Variants in EBF1 observed in about 807,000 individuals in gnomAD.
EBF1 encodes the protein EBF transcription factor 1.
A neutral mutation model predicts 68.4 loss-of-function variants in EBF1; 10 were observed. The observed-to-expected ratio is 0.15, with a 90% confidence interval of 0.09 to 0.25. The LOEUF is 0.25. EBF1 is among the 10% of genes least tolerant of loss of function. The pLI, the probability that EBF1 is intolerant of heterozygous loss-of-function variation, is 1.00. For synonymous variants in EBF1, 298 were observed against 299.8 expected (o/e 0.99, Z 0.06); for missense variants, 509 against 794.4 (o/e 0.64, Z 4.32).
intron 10 of EBF1, among the ~76,000 whole-genome samples, chr5:158,768,662 A>G (rs1349342971): frequency 6.6e-6 from 1 of 152,178 alleles, no homozygotes; most frequent in Non-Finnish European, 1.5e-5. Context: ...AACTTTAACA[A>G]TGAACAGGAC....
intron 6 of EBF1, among the ~76,000 whole-genome samples, chr5:158,890,042 TC>T (rs928724242): frequency 6.6e-6 from 1 of 152,170 alleles, no homozygotes; most frequent in African/African-American, 2.4e-5. Context: ...GATTTTGTTA[TC>T]CAAGGGGGCA....
intron 10 of EBF1, among the ~76,000 whole-genome samples, chr5:158,767,201 C>T (rs1169421876): frequency 6.6e-6 from 1 of 152,114 alleles, no homozygotes; most frequent in African/African-American, 2.4e-5. Flanking sequence ...GAAGTAAGTA[C>T]TCAAAAACAT....
At chr5:159,091,562 T>C (rs144010791) in intron 4 of EBF1, among the ~76,000 whole-genome samples, 1 of 152,350 alleles carries the variant, frequency 6.6e-6, no homozygotes, top group African/African-American at 2.4e-5. Flanking sequence ...GCTGGCCTAG[T>C]GAATTCCTTG....
chr5:158,851,249 C>A (rs1425885895), intron 6 of EBF1, among the ~76,000 whole-genome samples: 1 of 150,970 alleles, frequency 6.6e-6, no homozygotes, highest in East Asian at 2.0e-4. Context: ...GTGGTGCACA[C>A]CTGTAATTTC....
At chr5:158,741,479 G>A (rs1336875110) in intron 10 of EBF1, among the ~76,000 whole-genome samples, 1 of 151,838 alleles carries the variant, frequency 6.6e-6, no homozygotes, top group Non-Finnish European at 1.5e-5. Flanking sequence ...GGAGGCTGAA[G>A]TGGGAGAACA....
chr5:159,048,113 G>A (rs988359382), intron 6 of EBF1, among the ~76,000 whole-genome samples: 1 of 152,198 alleles, frequency 6.6e-6, no homozygotes, highest in South Asian at 2.1e-4. Context: ...TAGGGAAGAA[G>A]ACAGAATGGT....
intron 6 of EBF1, among the ~76,000 whole-genome samples, chr5:158,871,513 C>T (rs1243438400): frequency 5.9e-5 from 9 of 152,272 alleles, no homozygotes; most frequent in Admixed American, 1.3e-4. Context: ...GTCATTCTTG[C>T]AGATGGTCAC....
chr5:158,896,165 C>T (rs1047838541), intron 6 of EBF1, among the ~76,000 whole-genome samples: 6 of 152,112 alleles, frequency 3.9e-5, no homozygotes, highest in Non-Finnish European at 8.8e-5. Context: ...TAAAATATTC[C>T]TTAATCACTT....
intron 6 of EBF1, among the ~76,000 whole-genome samples, chr5:159,006,830 A>G (rs374311899): frequency 6.6e-6 from 1 of 152,274 alleles, no homozygotes; most frequent in East Asian, 1.9e-4. Flanking sequence ...TCCAATTTCT[A>G]TTCTCTGTTA....
At chr5:158,910,439 C>T (rs1018484511) in intron 6 of EBF1, among the ~76,000 whole-genome samples, 1 of 152,156 alleles carries the variant, frequency 6.6e-6, no homozygotes, top group African/African-American at 2.4e-5. Context: ...AGGTGGGTCA[C>T]CATTAAATCC....
chr5:158,990,916 C>T (rs17056393), intron 6 of EBF1, among the ~76,000 whole-genome samples: 6,979 of 152,184 alleles, frequency 0.046, 185 homozygotes, highest in Middle Eastern at 0.092. Flanking sequence ...TTTCTCAGCA[C>T]CCATGGGCCA....
chr5:159,005,251 C>T (rs951342707), intron 6 of EBF1, among the ~76,000 whole-genome samples: 2 of 152,166 alleles, frequency 1.3e-5, no homozygotes, highest in African/African-American at 2.4e-5. Context: ...GAATGAAGCT[C>T]CACCTACTAC....
chr5:158,967,662 G>T (rs1246933930), intron 6 of EBF1, among the ~76,000 whole-genome samples: 1 of 152,180 alleles, frequency 6.6e-6, no homozygotes, highest in Non-Finnish European at 1.5e-5. Flanking sequence ...AAAGAACTGC[G>T]TGAGGTGGTT....
intron 6 of EBF1, among the ~76,000 whole-genome samples, chr5:158,855,807 G>A (rs1793883606): frequency 6.6e-6 from 1 of 152,202 alleles, no homozygotes; most frequent in South Asian, 2.1e-4. Flanking sequence ...CTGGTCATCT[G>A]TAGCATAACA....
intron 6 of EBF1, among the ~76,000 whole-genome samples, chr5:158,967,883 A>G (rs1380945877): frequency 6.6e-6 from 1 of 152,240 alleles, no homozygotes; most frequent in Non-Finnish European, 1.5e-5. Flanking sequence ...AGAAATTTCA[A>G]AAAGTTGTGA....
At chr5:159,029,056 A>G (rs752808831) in intron 6 of EBF1, among the ~76,000 whole-genome samples, 9 of 152,202 alleles carry the variant, frequency 5.9e-5, no homozygotes, top group Non-Finnish European at 1.0e-4. Flanking sequence ...AAAGCCTTAA[A>G]CCAATTGATA....
At chr5:158,884,630 C>A (rs1225224665) in intron 6 of EBF1, among the ~76,000 whole-genome samples, 4 of 152,084 alleles carry the variant, frequency 2.6e-5, no homozygotes, top group Non-Finnish European at 5.9e-5. Context: ...GCAAGAGACA[C>A]ACCCGACTCA....
In EBF1 at chr5:158,988,179, G is replaced by A. The variant is rs145774876; in HGVS notation, c.554+85217C>T. On this transcript the variant is annotated intron_variant, in intron 6 of 15. Transcript: ENST00000313708. Reference sequence around the variant, plus strand: ...GGAAGAAACTATGAGCCAGCCATCCGCAGTGGACCTGGCCCATTCTGGTGG... The same window carrying A: ...GGAAGAAACTATGAGCCAGCCATCCACAGTGGACCTGGCCCATTCTGGTGG... 2.5e-3 allele frequency among the ~76,000 whole-genome samples: 386 copies of A among 152,304 alleles called. 2 individuals are homozygous for A. Among genetic ancestry groups the A allele is most frequent in the Non-Finnish European group, 3.4e-3 (230 of 68,022 alleles).
At chr5:158,772,776 C>G (rs1270595602) in intron 10 of EBF1, among the ~76,000 whole-genome samples, 1 of 152,060 alleles carries the variant, frequency 6.6e-6, no homozygotes, top group African/African-American at 2.4e-5. Context: ...GGTAGGGACT[C>G]AGAAACAAAG....
Sources: gnomAD v4.1 joint callset for allele counts (sites outside exome capture counted in the v4.1 genomes callset) on GRCh38, gnomAD v4.1.1 for gene constraint, MANE v1.5 for transcripts, NCBI Gene and HGNC (gene_info 2026-07-23, HGNC 2026-07-21) for gene names.